Variants in SREBF1 observed in about 807,000 individuals in gnomAD.
The protein encoded by SREBF1 is sterol regulatory element binding transcription factor 1.
SREBF1 carries 45 observed loss-of-function variants against 100.1 expected under a neutral mutation model. The observed-to-expected ratio is 0.45, with a 90% confidence interval of 0.35 to 0.58. The LOEUF is 0.58. Among genes scored for constraint, SREBF1 ranks in the 20% least tolerant of loss-of-function variants. The pLI is 0.00. For synonymous variants in SREBF1, 657 were observed against 681.8 expected (o/e 0.96, Z 0.57); for missense variants, 1,324 against 1,539.4 (o/e 0.86, Z 2.34).
intron 12 of SREBF1, chr17:17,815,596 C>T (rs549691899): frequency 5.5e-5 from 33 of 597,084 alleles, no homozygotes; most frequent in South Asian, 3.9e-4. Context: ...TTGTTGGCTC[C>T]GCTTCCTTAC....
Position 17,817,214 on chromosome 17 carries a change from C to A in SREBF1, c.1606+42G>T. ...AAGTTCACAAGCCTGGGGGCTCACC[C>A]CGAGTGTCCCTCCCAAAGATGCCCA... On this transcript the variant is annotated intron_variant, in intron 8 of 18. Coordinates refer to ENST00000261646, the MANE Select transcript of SREBF1 (RefSeq NM_004176.5). This position sits in a 1 kb window ranked among gnomAD's most constrained non-coding sequence, Gnocchi z 6.6. 6.2e-7 allele frequency: 1 copy of A among 1,609,422 alleles called. No homozygotes were observed.
Position 17,820,270 on chromosome 17 carries a change from C to T in SREBF1, c.343G>A (p.Ala115Thr), listed in dbSNP as rs776768645. 10 of 1,613,734 alleles carry T rather than the reference C, an allele frequency of 6.2e-6. No individual in the cohort carries two copies. In the South Asian group the frequency reaches 6.6e-5, roughly 11 times the overall value. Residue 115 changes from alanine (A) to threonine (T), a missense_variant, in exon 2 of 19, where the codon GCT becomes ACT. Transcript: ENST00000261646. ...TPLKMYPSMP[A>T]FSPGPGIKEE... ...TTGATACCAGGCCCAGGGGAGAAAGCGGGCATGGACGGGTACATCTTCAAT... is the reference window on the plus strand; with the variant it reads ...TTGATACCAGGCCCAGGGGAGAAAGTGGGCATGGACGGGTACATCTTCAAT...
intron 1 of SREBF1, among the ~76,000 whole-genome samples, chr17:17,829,205 A>AAAAAAAAAAAATATAT (rs1210718799): frequency 2.6e-4 from 17 of 65,866 alleles, no homozygotes; most frequent in East Asian, 2.7e-4. Flanking sequence ...AAAAAAAAAA[A>AAAAAAAAAAAATATAT]ATATATATAT....
chr17:17,817,105 G>A lies in SREBF1; in HGVS notation c.1638C>T (p.Pro546=), dbSNP rs45535737. ...DGPGWAQWLL[P]PVVWLLNGLL... is the part of the protein sequence containing the mutation. The stretch of plus-strand genomic sequence containing the variant: ...GCCCATTGAGCAGCCAGACCACTGG[G>A]GGCAGCAGCCACTGGGCCCAGCCAG... Residue 546 remains proline (P), a synonymous_variant, in exon 9 of 19, where the codon CCC becomes CCT. Transcript: ENST00000261646. This position sits in a 1 kb window ranked among gnomAD's most constrained non-coding sequence, Gnocchi z 6.6. The A allele has an allele frequency of 2.5e-6, 4 of 1,612,986 alleles. No homozygotes were observed. Among genetic ancestry groups the A allele is most frequent in the East Asian group, 2.2e-5 (1 of 44,882 alleles).
intron 13 of SREBF1, 82 bp downstream of exon 13, chr17:17,815,139 C>G (rs1002484609): frequency 7.8e-6 from 11 of 1,414,676 alleles, no homozygotes; most frequent in Middle Eastern, 1.8e-4. Flanking sequence ...GCTCTGGGCT[C>G]TCTCCACAGG....
Position 17,817,606 on chromosome 17 carries a change from G to A in SREBF1, c.1404+90C>T, listed in dbSNP as rs1202642880. Reference sequence around the variant, plus strand: ...AGTTATTCTGTCTATGAAATGGGAGGTAGGATCTGTTAGGGTCTTCCCGGC... The same window carrying A: ...AGTTATTCTGTCTATGAAATGGGAGATAGGATCTGTTAGGGTCTTCCCGGC... On this transcript the variant is annotated intron_variant, in intron 7 of 18. Coordinates refer to ENST00000261646, the MANE Select transcript of SREBF1 (RefSeq NM_004176.5). The surrounding 1 kb of genome is among the most constrained non-coding windows in gnomAD (Gnocchi z 6.6). 1.3e-6 allele frequency: 2 copies of A among 1,563,862 alleles called. No homozygotes were observed. The highest frequency in any genetic ancestry group is 1.7e-6 in the Non-Finnish European group (2 of 1,143,874).
intron 11 of SREBF1, 69 bp downstream of exon 11, chr17:17,816,138 G>A: frequency 1.9e-6 from 2 of 1,034,634 alleles, no homozygotes; most frequent in South Asian, 3.8e-5. Context: ...CACATCCCGT[G>A]TAGCTCTTAC....
chr17:17,825,603 CTTTTTTT>C (rs60178339), intron 1 of SREBF1, among the ~76,000 whole-genome samples: 2 of 92,554 alleles, frequency 2.2e-5, no homozygotes, highest in African/African-American at 7.8e-5. Context: ...TGGCCAATTT[CTTTTTTT>C]TTTTTTTTTT....
At chr17:17,826,282 C>CTT (rs34759145) in intron 1 of SREBF1, among the ~76,000 whole-genome samples, 2,276 of 137,694 alleles carry the variant, frequency 0.017, 55 homozygotes, top group African/African-American at 0.057. Flanking sequence ...TCGACTGAGT[C>CTT]TTTTTTTTTT....
intron 1 of SREBF1, chr17:17,823,652 G>GCC: frequency 1.4e-6 from 2 of 1,446,614 alleles, no homozygotes; most frequent in African/African-American, 1.4e-5. Context: ...GCGCTGCGGC[G>GCC]CGCCCGCCCC....
At chr17:17,833,840 T>C (rs180780951) in intron 1 of SREBF1, among the ~76,000 whole-genome samples, 128 of 152,118 alleles carry the variant, frequency 8.4e-4, no homozygotes, top group Non-Finnish European at 1.2e-3. Context: ...TAACCAGGCG[T>C]GGCGGTGCAT....
chr17:17,829,205 A>AAAATATAT (rs1210718799), intron 1 of SREBF1, among the ~76,000 whole-genome samples: 3 of 65,850 alleles, frequency 4.6e-5, no homozygotes, highest in African/African-American at 2.6e-4. Flanking sequence ...AAAAAAAAAA[A>AAAATATAT]ATATATATAT....
chr17:17,816,245 C>G lies in SREBF1; in HGVS notation c.2176G>C (p.Val726Leu), dbSNP rs1308747943. 1.2e-6 allele frequency: 2 copies of G among 1,604,852 alleles called. No homozygotes were observed. Among genetic ancestry groups the G allele is most frequent in the African/African-American group, 1.3e-5 (1 of 74,542 alleles). Residue 726 changes from valine (V) to leucine (L), a missense_variant, in exon 11 of 19, where the codon GTG (valine) becomes CTG (leucine). Coordinates refer to ENST00000261646, the MANE Select transcript of SREBF1 (RefSeq NM_004176.5). Reference sequence around the variant, plus strand: ...AAGGCCCGTGGGAGACTGGTCTTCACTCTCAATGCAGCCGCCACATAGATC... The same window carrying G: ...AAGGCCCGTGGGAGACTGGTCTTCAGTCTCAATGCAGCCGCCACATAGATC... ...AEIYVAAALR[V>L]KTSLPRALHF...
intron 1 of SREBF1, among the ~76,000 whole-genome samples, chr17:17,826,800 T>A (rs1410509740): frequency 2.0e-5 from 3 of 152,182 alleles, no homozygotes; most frequent in African/African-American, 7.2e-5. Context: ...TGTGAGGCCA[T>A]GAGGGAAATC....
chr17:17,811,640 A>AG lies in SREBF1; in HGVS notation c.*981dup, dbSNP rs2032856101. On this transcript the variant is annotated 3_prime_UTR_variant, in exon 19 of 19. Coordinates refer to ENST00000261646, the MANE Select transcript of SREBF1 (RefSeq NM_004176.5). ...CCAGTGTGGCGGCAGGTCGGGAGGG[A>AG]GGAGGCTTCTTTGCTGTGAGATGAC... The AG allele has an allele frequency of 2.3e-6, 1 of 438,970 alleles. No homozygotes were observed. The highest frequency in any genetic ancestry group is 2.1e-5 in the African/African-American group (1 of 48,080). The allele number at this position is 438,970 out of a possible 1,614,324, so 27.2% of individuals were successfully genotyped here. A position where few individuals can be genotyped will look rare whatever the true frequency, so the allele number is the denominator to read the frequency against.
At chr17:17,836,493 G>A (rs1195107549) in intron 1 of SREBF1, among the ~76,000 whole-genome samples, 3 of 152,174 alleles carry the variant, frequency 2.0e-5, no homozygotes, top group African/African-American at 7.2e-5. Context: ...GCCGCCAAGG[G>A]ACCCCGGCCC....
At position 17,819,786 on chromosome 17, in the gene SREBF1, C is replaced by T. The variant is rs2033950638; in HGVS notation, c.524-61G>A. ...CTCCCTCTCCCACTTTCAACCTGCT[C>T]TTCAGGTCTCTATCACCGACTGGCC... On this transcript the variant is annotated intron_variant, in intron 2 of 18. Transcript: ENST00000261646. The T allele has an allele frequency of 5.3e-6, 8 of 1,509,816 alleles. No individual in the cohort carries two copies. In the South Asian group the frequency reaches 1.0e-4, roughly 19 times the overall value. 93.5% of individuals were successfully genotyped at this position (1,509,816 alleles called of 1,614,324 possible). A position where few individuals can be genotyped will look rare whatever the true frequency, so the allele number is the denominator to read the frequency against.
Position 17,813,561 on chromosome 17 carries a change from G to A in SREBF1, c.3102+8C>T. ...CCCGTCTTGAGGACAGGGCCATCGG[G>A]CACTCACCCTCCGCATGGCGGGCCG... is the stretch of plus-strand genomic sequence containing the variant. On this transcript the variant is annotated splice_region_variant and intron_variant, in intron 17 of 18. Transcript: ENST00000261646. The A allele has an allele frequency of 3.1e-6, 5 of 1,595,514 alleles. No homozygotes were observed. The highest frequency in any genetic ancestry group is 4.3e-6 in the Non-Finnish European group (5 of 1,173,212).
Position 17,816,694 on chromosome 17 carries a change from G to A in SREBF1, c.1810C>T (p.Gln604Ter). Residue 604 changes from glutamine (Q) to a stop codon, truncating the protein, a stop_gained, in exon 10 of 19, where the codon CAG becomes TAG. Transcript: ENST00000261646. LOFTEE classifies it high-confidence loss of function. ...AGTGCCCGCAGGGCCAGCCACAGCT[G>A]CTGGGCAGCCTGGGCAAAGTCTCCC... Reference protein sequence around the residue: ...ARGDFAQAAQQLWLALRALGR... With the variant: ...ARGDFAQAAQ The A allele has an allele frequency of 6.3e-7, 1 of 1,583,728 alleles. No individual in the cohort carries two copies. Among genetic ancestry groups the A allele is most frequent in the East Asian group, 2.3e-5 (1 of 43,692 alleles).
Sources: allele counts gnomAD v4.1 joint callset (sites outside exome capture counted in the v4.1 genomes callset), GRCh38; gene constraint gnomAD v4.1.1; non-coding constraint Gnocchi (gnomAD v3.1); transcripts MANE v1.5; gene names NCBI Gene and HGNC (gene_info 2026-07-23, HGNC 2026-07-21).